Variants in CNTNAP5 observed in about 807,000 individuals in gnomAD.
The protein encoded by CNTNAP5 is contactin-associated protein-like 5.
CNTNAP5 carries 72 observed loss-of-function variants against 150.2 expected under a neutral mutation model. The observed-to-expected ratio is 0.48, with a 90% CI of 0.40 to 0.58. The LOEUF is 0.58. Among genes scored for constraint, CNTNAP5 ranks in the 20% least tolerant of loss-of-function variants. CNTNAP5 has a pLI of 0.00. For missense variants in CNTNAP5, 1,636 were observed against 1,626.2 expected (o/e 1.01, Z -0.10); for synonymous variants, 672 against 619.8 (o/e 1.08, Z -1.25).
At chr2:124,825,508 G>C (rs1682574906) in intron 19 of CNTNAP5, among the ~76,000 whole-genome samples, 1 of 152,122 alleles carries the variant, frequency 6.6e-6, no homozygotes, top group Admixed American at 6.5e-5. Flanking sequence ...TTATACTGTG[G>C]GTGGAGTGAG....
At chr2:124,429,842 G>A (rs765785463) in intron 4 of CNTNAP5, among the ~76,000 whole-genome samples, 2 of 152,130 alleles carry the variant, frequency 1.3e-5, no homozygotes, top group Admixed American at 6.6e-5. Flanking sequence ...TAGATGATGC[G>A]CAGGAACTCA....
chr2:124,901,106 T>A lies in CNTNAP5; in HGVS notation c.3437-1776T>A, dbSNP rs138234252. Among the ~76,000 whole-genome samples the A allele has an allele frequency of 7.2e-3, 1,094 of 151,760 alleles. 46 individuals are homozygous for A. Among genetic ancestry groups the A allele is most frequent in the African/African-American group, 0.024 (990 of 41,056 alleles). On this transcript the variant is annotated intron_variant, in intron 21 of 23. Transcript: ENST00000682447. The stretch of plus-strand genomic sequence containing the variant: ...TGGAAGATAGAAGTTTTCTCATACA[T>A]CTCAGAGTCCTTTTATATTTGAAGA...
chr2:124,066,787 C>T (rs545193661), intron 1 of CNTNAP5, among the ~76,000 whole-genome samples: 1 of 152,262 alleles, frequency 6.6e-6, no homozygotes, highest in Non-Finnish European at 1.5e-5. Flanking sequence ...CAATCATATG[C>T]TTCCTGATCA....
Position 124,750,982 on chromosome 2 carries a change from CAAAAAAA to C in CNTNAP5, c.2234+3614_2234+3620del, listed in dbSNP as rs745635606. ...CTAGTGACAGATTGAGACTCCATCT[CAAAAAAA>C]AAAAAAAAAAAAAAAAGTAGTGGCA... On this transcript the variant is annotated intron_variant, in intron 14 of 23. Coordinates refer to ENST00000682447, the MANE Select transcript of CNTNAP5 (RefSeq NM_001367498.1). Among the ~76,000 whole-genome samples, 3 of 75,468 alleles carry C rather than the reference CAAAAAAA, an allele frequency of 4.0e-5. No individual in the cohort carries two copies. In the East Asian group the frequency reaches 1.7e-3, roughly 44 times the overall value. 49.5% of individuals were successfully genotyped at this position (75,468 alleles called of 152,430 possible).
intron 21 of CNTNAP5, among the ~76,000 whole-genome samples, chr2:124,881,311 G>A (rs1413134699): frequency 1.3e-5 from 2 of 152,092 alleles, no homozygotes; most frequent in East Asian, 3.9e-4. Context: ...TGCAGGTGCA[G>A]TTTGTAAAAT....
chr2:124,329,499 T>C (rs1558853262), intron 3 of CNTNAP5, among the ~76,000 whole-genome samples: 1 of 152,166 alleles, frequency 6.6e-6, no homozygotes, highest in Non-Finnish European at 1.5e-5. Flanking sequence ...GTCTTCCAAC[T>C]GCCTTTAATT....
intron 1 of CNTNAP5, among the ~76,000 whole-genome samples, chr2:124,168,293 TAAAG>T (rs985433027): frequency 7.9e-5 from 12 of 152,202 alleles, no homozygotes; most frequent in Non-Finnish European, 1.6e-4. Context: ...GCAAGCAAGG[TAAAG>T]AGTCTGCCCG....
chr2:124,153,603 CTTTTTTTTTTTT>C (rs948493792), intron 1 of CNTNAP5, among the ~76,000 whole-genome samples: 3 of 85,072 alleles, frequency 3.5e-5, no homozygotes, highest in African/African-American at 1.4e-4. Context: ...CCCCCCGGGA[CTTTTTTTTTTTT>C]TTTTTTTTTT....
At chr2:124,816,459 G>T (rs1169799783) in intron 19 of CNTNAP5, among the ~76,000 whole-genome samples, 6 of 148,820 alleles carry the variant, frequency 4.0e-5, no homozygotes, top group Non-Finnish European at 8.9e-5. Flanking sequence ...ACTCCCTATT[G>T]GCCTTGCAGC....
At position 124,315,839 on chromosome 2, in the gene CNTNAP5, G is replaced by A. The variant is rs541679535; in HGVS notation, c.381+73446G>A. On this transcript the variant is annotated intron_variant, in intron 3 of 23. Coordinates refer to ENST00000682447, the MANE Select transcript of CNTNAP5 (RefSeq NM_001367498.1). Reference sequence around the variant, plus strand: ...GGAATTTAGGTATATAGTCTCTTTTGGGTCTAATGCATATGCAGCATGAGA... The same window carrying A: ...GGAATTTAGGTATATAGTCTCTTTTAGGTCTAATGCATATGCAGCATGAGA... 1.2e-4 allele frequency among the ~76,000 whole-genome samples: 18 copies of A among 152,004 alleles called. 1 individual carries two copies. The South Asian group carries it at 3.7e-3, about 32-fold the overall frequency.
intron 10 of CNTNAP5, among the ~76,000 whole-genome samples, chr2:124,528,956 T>C (rs1314029821): frequency 6.6e-6 from 1 of 152,122 alleles, no homozygotes; most frequent in Non-Finnish European, 1.5e-5. Flanking sequence ...AACGCTAGAA[T>C]GAGCTGCGTA....
At chr2:124,604,160 T>C (rs1474530708) in intron 11 of CNTNAP5, among the ~76,000 whole-genome samples, 2 of 152,216 alleles carry the variant, frequency 1.3e-5, no homozygotes, top group Non-Finnish European at 2.9e-5. Flanking sequence ...TTTGAAAGCA[T>C]TAAATTATAA....
rs79045578 is a variant in CNTNAP5, at chr2:124,091,111, C to G, written c.82+65379C>G. On this transcript the variant is annotated intron_variant, in intron 1 of 23. Transcript: ENST00000682447. ...AAAGAGTCACAAAGAGTCCCCCAAA[C>G]AGCGGAGTACAGACCAGTCTGATCA... Among the ~76,000 whole-genome samples the G allele has an allele frequency of 5.0e-3, 757 of 152,250 alleles. 20 individuals carry two copies. In the East Asian group the frequency reaches 0.062, roughly 13 times the overall value.
intron 17 of CNTNAP5, among the ~76,000 whole-genome samples, chr2:124,773,943 TGTGTGA>T (rs768052874): frequency 0.08 from 9,231 of 115,816 alleles, 287 homozygotes; most frequent in East Asian, 0.14. Context: ...TGTGTGTGTG[TGTGTGA>T]GAGAGAGAGA....
intron 12 of CNTNAP5, among the ~76,000 whole-genome samples, chr2:124,629,034 A>C (rs1011472556): frequency 5.3e-5 from 8 of 152,234 alleles, no homozygotes; most frequent in Non-Finnish European, 8.8e-5. Flanking sequence ...TATGCACCCA[A>C]TACAGGAACA....
At chr2:124,487,930 C>T (rs536535810) in intron 7 of CNTNAP5, among the ~76,000 whole-genome samples, 7 of 152,182 alleles carry the variant, frequency 4.6e-5, no homozygotes, top group African/African-American at 1.7e-4. Context: ...AGGAAGCAGT[C>T]AGTCTCCATG....
chr2:124,573,798 G>A (rs1488999571), intron 11 of CNTNAP5, among the ~76,000 whole-genome samples: 2 of 152,222 alleles, frequency 1.3e-5, no homozygotes, highest in South Asian at 2.1e-4. Flanking sequence ...GTTATCAATA[G>A]CTCTCTGGTA....
At chr2:124,296,649 C>T (rs1181873082) in intron 3 of CNTNAP5, among the ~76,000 whole-genome samples, 5 of 152,104 alleles carry the variant, frequency 3.3e-5, no homozygotes, top group African/African-American at 1.2e-4. Context: ...CTTCCAAGAC[C>T]ACGTGTGTGG....
At chr2:124,112,171 C>G (rs1468110925) in intron 1 of CNTNAP5, among the ~76,000 whole-genome samples, 1 of 152,180 alleles carries the variant, frequency 6.6e-6, no homozygotes, top group Non-Finnish European at 1.5e-5. Context: ...ACAGGGATTA[C>G]CTTCCTGACT....
Sources: allele counts gnomAD v4.1 joint callset (sites outside exome capture counted in the v4.1 genomes callset), GRCh38; gene constraint gnomAD v4.1.1; transcripts MANE v1.5; gene names NCBI Gene and HGNC (gene_info 2026-07-23, HGNC 2026-07-21).